Variants in ZFPM2 observed in about 807,000 individuals in gnomAD.
ZFPM2 encodes the protein zinc finger protein, FOG family member 2.
A neutral mutation model predicts 98.6 loss-of-function variants in ZFPM2; 20 were observed. The ratio of observed to expected loss-of-function variants is 0.20; its 90% CI spans 0.14 to 0.29. The LOEUF (loss-of-function observed/expected upper bound fraction) is 0.29. Ranked by LOEUF, ZFPM2 falls within the 10% of genes least tolerant of loss-of-function variation. The pLI is 1.00. For synonymous variants in ZFPM2, 518 were observed against 502.7 expected (o/e 1.03, Z -0.41); for missense variants, 1,310 against 1,388.6 (o/e 0.94, Z 0.90).
chr8:105,636,950 T>C (rs920846771), intron 5 of ZFPM2, among the ~76,000 whole-genome samples: 1 of 152,100 alleles, frequency 6.6e-6, no homozygotes, highest in African/African-American at 2.4e-5. Context: ...TTTACAAAGG[T>C]AGATAAAAGA....
At chr8:105,677,027 AG>A (rs908144854) in intron 5 of ZFPM2, among the ~76,000 whole-genome samples, 1 of 152,130 alleles carries the variant, frequency 6.6e-6, no homozygotes, top group Non-Finnish European at 1.5e-5. Context: ...CTAGTTTTTC[AG>A]TCCAGGTATA....
intron 4 of ZFPM2, among the ~76,000 whole-genome samples, chr8:105,586,096 G>T (rs76869567): frequency 2.0e-5 from 3 of 151,774 alleles, no homozygotes; most frequent in African/African-American, 7.3e-5. Context: ...TAATTAATGT[G>T]CAAAGGCCTA....
At chr8:105,446,167 G>A (rs1242852538) in intron 3 of ZFPM2, among the ~76,000 whole-genome samples, 7 of 152,088 alleles carry the variant, frequency 4.6e-5, no homozygotes, top group African/African-American at 9.7e-5. Flanking sequence ...TGATCCTCCC[G>A]CCTTGGCCTC....
chr8:105,329,369 T>C (rs1049330503), intron 1 of ZFPM2, among the ~76,000 whole-genome samples: 1 of 151,862 alleles, frequency 6.6e-6, no homozygotes, highest in African/African-American at 2.4e-5. Context: ...TTGATAGTCA[T>C]TTAAAGGCAT....
intron 2 of ZFPM2, among the ~76,000 whole-genome samples, chr8:105,435,022 C>A (rs991864110): frequency 6.6e-6 from 1 of 152,132 alleles, no homozygotes; most frequent in African/African-American, 2.4e-5. Flanking sequence ...TACTATCTTA[C>A]CAACAATACC....
chr8:105,761,208 C>T (rs1812727713), intron 5 of ZFPM2, among the ~76,000 whole-genome samples: 1 of 150,006 alleles, frequency 6.7e-6, no homozygotes, highest in African/African-American at 2.5e-5. Context: ...ACTAAGGGAC[C>T]AGTGTCGCAG....
chr8:105,383,749 A>C (rs1415207998), intron 1 of ZFPM2, among the ~76,000 whole-genome samples: 1 of 152,202 alleles, frequency 6.6e-6, no homozygotes, highest in Non-Finnish European at 1.5e-5. Flanking sequence ...AGCTTAAAAA[A>C]TAGTTTGAAT....
intron 1 of ZFPM2, among the ~76,000 whole-genome samples, chr8:105,401,349 TTTG>T (rs1274159096): frequency 6.6e-6 from 1 of 152,138 alleles, no homozygotes; most frequent in African/African-American, 2.4e-5. Flanking sequence ...TATTTTCAAG[TTTG>T]TTAGTATAAC....
intron 3 of ZFPM2, among the ~76,000 whole-genome samples, chr8:105,554,899 CA>C (rs1814950202): frequency 6.6e-6 from 1 of 151,952 alleles, no homozygotes; most frequent in Non-Finnish European, 1.5e-5. Flanking sequence ...AAAGAGGCAT[CA>C]AAAAGACCAT....
intron 3 of ZFPM2, among the ~76,000 whole-genome samples, chr8:105,489,466 A>ATATATATATATATATATATATTTTT: frequency 8.3e-6 from 1 of 119,774 alleles, no homozygotes; most frequent in African/African-American, 3.6e-5. Flanking sequence ...ATATATATAT[A>ATATATATATATATATATATATTTTT]TTTTTTTTTT....
At chr8:105,588,208 G>A (rs1815766723) in intron 4 of ZFPM2, among the ~76,000 whole-genome samples, 1 of 152,084 alleles carries the variant, frequency 6.6e-6, no homozygotes, top group Non-Finnish European at 1.5e-5. Flanking sequence ...GGTGATATTT[G>A]ATCTAAGGAA....
chr8:105,707,432 G>A (rs1196767425), intron 5 of ZFPM2, among the ~76,000 whole-genome samples: 2 of 152,050 alleles, frequency 1.3e-5, no homozygotes, highest in Admixed American at 6.5e-5. Context: ...TCACATACTA[G>A]GAAACATATC....
chr8:105,378,917 T>C (rs1246667719), intron 1 of ZFPM2, among the ~76,000 whole-genome samples: 1 of 152,124 alleles, frequency 6.6e-6, no homozygotes, highest in East Asian at 1.9e-4. Context: ...AATCAATAGA[T>C]AGATGATAGG....
chr8:105,696,591 C>T (rs1811024980), intron 5 of ZFPM2, among the ~76,000 whole-genome samples: 1 of 152,160 alleles, frequency 6.6e-6, no homozygotes, highest in Middle Eastern at 3.4e-3. Flanking sequence ...CGAGGATATG[C>T]GTAAAGAAAC....
intron 2 of ZFPM2, among the ~76,000 whole-genome samples, chr8:105,427,757 A>G (rs758932313): frequency 5.3e-5 from 8 of 152,212 alleles, no homozygotes; most frequent in Non-Finnish European, 8.8e-5. Flanking sequence ...AAATAACTGA[A>G]TATGTTGCAC....
chr8:105,518,281 C>CTT (rs386413574), intron 3 of ZFPM2, among the ~76,000 whole-genome samples: 1 of 151,828 alleles, frequency 6.6e-6, no homozygotes, highest in Admixed American at 6.6e-5. Context: ...ATACAGGAGT[C>CTT]TGCTGCAATT....
At chr8:105,680,269 T>C (rs1366386309) in intron 5 of ZFPM2, among the ~76,000 whole-genome samples, 1 of 152,180 alleles carries the variant, frequency 6.6e-6, no homozygotes, top group Non-Finnish European at 1.5e-5. Flanking sequence ...TGAAAAAATC[T>C]ATGTTGTAGT....
intron 2 of ZFPM2, among the ~76,000 whole-genome samples, chr8:105,436,676 G>A (rs1346597045): frequency 2.6e-5 from 4 of 152,088 alleles, no homozygotes; most frequent in Admixed American, 6.6e-5. Context: ...CTTTGGAGTC[G>A]GACTAACTTG....
At chr8:105,396,248 A>G (rs566802271) in intron 1 of ZFPM2, among the ~76,000 whole-genome samples, 48 of 152,308 alleles carry the variant, frequency 3.2e-4, no homozygotes, top group African/African-American at 1.0e-3. Context: ...CGTTAGATAC[A>G]TGTGAATATG....
Sources: gnomAD v4.1 joint callset for allele counts (sites outside exome capture counted in the v4.1 genomes callset) on GRCh38, gnomAD v4.1.1 for gene constraint, MANE v1.5 for transcripts, NCBI Gene and HGNC (gene_info 2026-07-23, HGNC 2026-07-21) for gene names.